HIP1: variants seen among roughly 807,000 people sequenced by gnomAD.
HIP1 encodes huntingtin interacting protein 1.
Under a neutral mutation model 147.6 loss-of-function variants are expected in HIP1, and 65 were observed. That is an observed-to-expected ratio of 0.44 (90% CI 0.36 to 0.54). HIP1 has a LOEUF of 0.54. HIP1 is among the 20% of genes least tolerant of loss of function. The pLI, the probability that HIP1 is intolerant of heterozygous loss-of-function variation, is 0.00. For synonymous variants in HIP1, 479 were observed against 504.0 expected (o/e 0.95, Z 0.67); for missense variants, 1,061 against 1,299.6 (o/e 0.82, Z 2.82).
At position 75,582,118 on chromosome 7, in the gene HIP1, C is replaced by A; in HGVS notation, c.499G>T (p.Asp167Tyr). 1 of 1,614,054 alleles carries A rather than the reference C, an allele frequency of 6.2e-7. No homozygotes were observed. Among genetic ancestry groups the A allele is most frequent in the South Asian group, 1.1e-5 (1 of 91,038 alleles). Residue 167 changes from aspartate to tyrosine, a missense_variant, in exon 6 of 31, where the codon GAC becomes TAC. Coordinates refer to ENST00000336926, the MANE Select transcript of HIP1 (RefSeq NM_005338.7). ...PRFPGNLQMS[D>Y]RQLDEAGESD... ...TCTCCAGCCTCGTCCAGCTGGCGGT[C>A]ACTCATCTGCAGGTTGCCTGGGAAC...
intron 1 of HIP1, among the ~76,000 whole-genome samples, chr7:75,725,059 T>C (rs1455529937): frequency 6.6e-6 from 1 of 152,128 alleles, no homozygotes; most frequent in Non-Finnish European, 1.5e-5. Flanking sequence ...AGAGTCTCAC[T>C]CTGTCACTCA....
chr7:75,555,916 G>T, intron 18 of HIP1, 110 bp downstream of exon 18: 1 of 1,342,824 alleles, frequency 7.4e-7, no homozygotes, highest in Non-Finnish European at 1.0e-6. Context: ...TCAGGCCAAG[G>T]CCCCAAACCC....
chr7:75,648,030 C>G (rs1243003182), intron 1 of HIP1, among the ~76,000 whole-genome samples: 1 of 152,204 alleles, frequency 6.6e-6, no homozygotes, highest in African/African-American at 2.4e-5. Context: ...CACAGAAAGA[C>G]AGCACAGGCT....
At chr7:75,571,179 A>T (rs1211636313) in intron 8 of HIP1, among the ~76,000 whole-genome samples, 2 of 152,174 alleles carry the variant, frequency 1.3e-5, no homozygotes, top group East Asian at 3.9e-4. Flanking sequence ...TAACTCCCTC[A>T]GCCTCCAGAG....
chr7:75,538,350 GT>G, intron 30 of HIP1, 126 bp from the exon 31 acceptor site: 1 of 777,156 alleles, frequency 1.3e-6, no homozygotes, highest in Non-Finnish European at 2.3e-6. Context: ...TAATCACATA[GT>G]CCCCAAGTTT....
intron 1 of HIP1, among the ~76,000 whole-genome samples, chr7:75,719,084 G>A (rs543587130): frequency 6.6e-6 from 1 of 151,986 alleles, no homozygotes; most frequent in Admixed American, 6.6e-5. Context: ...TTGGGAGGCC[G>A]AGGTGGGAGG....
intron 1 of HIP1, among the ~76,000 whole-genome samples, chr7:75,640,140 T>C (rs1429613300): frequency 3.3e-5 from 5 of 152,358 alleles, no homozygotes; most frequent in Admixed American, 1.3e-4. Flanking sequence ...TTGGGGCAAG[T>C]TCTCCGGAAA....
Position 75,611,924 on chromosome 7 carries a change from G to A in HIP1, c.121-12677C>T, listed in dbSNP as rs1020412574. On this transcript the variant is annotated intron_variant, in intron 1 of 30. Coordinates refer to ENST00000336926, the MANE Select transcript of HIP1 (RefSeq NM_005338.7). ...GCACTCCCCATCCTCCGCTCGCCTG[G>A]GACAGCCCAGCCAGGCAGTGGCCAA... 5.1e-6 allele frequency: 5 copies of A among 983,402 alleles called. No homozygotes were observed. The African/African-American group carries it at 8.7e-5, about 17-fold the overall frequency. 60.9% of individuals were successfully genotyped at this position (983,402 alleles called of 1,614,324 possible). A position where few individuals can be genotyped will look rare whatever the true frequency, so the allele number is the denominator to read the frequency against.
chr7:75,693,454 C>T (rs1250887551), intron 1 of HIP1, among the ~76,000 whole-genome samples: 9 of 152,072 alleles, frequency 5.9e-5, no homozygotes, highest in Middle Eastern at 3.2e-3. Flanking sequence ...CTTGTCTTGC[C>T]GAAGTGTGCC....
chr7:75,660,533 G>T (rs945171110), intron 1 of HIP1, among the ~76,000 whole-genome samples: 1 of 151,916 alleles, frequency 6.6e-6, no homozygotes, highest in Non-Finnish European at 1.5e-5. Flanking sequence ...TCTCAAAAAC[G>T]AAAACACACA....
intron 7 of HIP1, among the ~76,000 whole-genome samples, chr7:75,575,301 A>T (rs1795807336): frequency 6.6e-6 from 1 of 151,750 alleles, no homozygotes; most frequent in African/African-American, 2.4e-5. Flanking sequence ...TCTCTACTAA[A>T]ATACAAAAAT....
chr7:75,546,293 AG>A (rs782087518), intron 25 of HIP1, among the ~76,000 whole-genome samples: 23 of 152,184 alleles, frequency 1.5e-4, no homozygotes, highest in Non-Finnish European at 1.5e-5. Flanking sequence ...ATCCTTGTCC[AG>A]TCCATCTTTC....
rs34842470 is a variant in HIP1 at position 75,541,725 on chromosome 7, C to CAA, written c.2952+192_2952+193dup. On this transcript the variant is annotated intron_variant, in intron 29 of 30. Transcript: ENST00000336926. Reference sequence around the variant, plus strand: ...AAGAAAAAAAACAAAACAAGACAAACAAAAAAAAAAAACAAGGTGATTCAC... The same window carrying CAA: ...AAGAAAAAAAACAAAACAAGACAAACAAAAAAAAAAAAAACAAGGTGATTCAC... 2.5e-3 allele frequency among the ~76,000 whole-genome samples: 374 copies of CAA among 146,808 alleles called. 1 individual carries two copies. Among genetic ancestry groups the CAA allele is most frequent in the African/African-American group, 6.3e-3 (252 of 40,054 alleles).
chr7:75,704,022 A>T (rs918160191), intron 1 of HIP1, among the ~76,000 whole-genome samples: 14 of 152,126 alleles, frequency 9.2e-5, no homozygotes, highest in African/African-American at 3.1e-4. Context: ...TGCAGCATGG[A>T]AGCCCTGCCC....
Position 75,661,743 on chromosome 7 carries a change from G to A in HIP1, c.121-62496C>T, listed in dbSNP as rs374978795. ...GCTGTTAGGTCCTGATGTCATCTTG[G>A]GGGCAGCTACAGCAGAGTAACGCAG... On this transcript the variant is annotated intron_variant, in intron 1 of 30. Transcript: ENST00000336926. Among the ~76,000 whole-genome samples the A allele has an allele frequency of 2.4e-3, 369 of 152,000 alleles. 1 individual carries two copies. Among genetic ancestry groups the A allele is most frequent in the African/African-American group, 6.9e-3 (288 of 41,502 alleles).
At chr7:75,685,259 C>A (rs956980636) in intron 1 of HIP1, among the ~76,000 whole-genome samples, 1 of 148,076 alleles carries the variant, frequency 6.8e-6, no homozygotes, top group South Asian at 2.2e-4. Context: ...CCAAAAAAAA[C>A]CCCAAAAGCC....
intron 1 of HIP1, among the ~76,000 whole-genome samples, chr7:75,658,265 T>A (rs774713087): frequency 2.6e-5 from 4 of 152,190 alleles, no homozygotes; most frequent in Non-Finnish European, 5.9e-5. Context: ...TTTTTGTATT[T>A]TTAGTAGAGA....
At chr7:75,578,557 A>G (rs1795924430) in intron 7 of HIP1, among the ~76,000 whole-genome samples, 1 of 152,160 alleles carries the variant, frequency 6.6e-6, no homozygotes, top group Admixed American at 6.6e-5. Context: ...GCGTGCCCGT[A>G]GTCCCAGCTA....
intron 1 of HIP1, among the ~76,000 whole-genome samples, chr7:75,676,388 G>T (rs1264208787): frequency 1.3e-5 from 2 of 152,122 alleles, no homozygotes; most frequent in African/African-American, 4.8e-5. Flanking sequence ...AGTCCAAGGG[G>T]GGTTATTATT....
Sources: gnomAD v4.1 joint callset for allele counts (sites outside exome capture counted in the v4.1 genomes callset) on GRCh38, gnomAD v4.1.1 for gene constraint, MANE v1.5 for transcripts, NCBI Gene and HGNC (gene_info 2026-07-23, HGNC 2026-07-21) for gene names.